SEC13: variants seen among roughly 807,000 people sequenced by gnomAD.
The protein encoded by SEC13 is SEC13 homolog, nuclear pore and COPII component.
Under a neutral mutation model 49.2 loss-of-function variants are expected in SEC13, and 25 were observed. The observed-to-expected ratio is 0.51, with a 90% CI of 0.37 to 0.71. SEC13 has a LOEUF of 0.71. Ranked by LOEUF, SEC13 falls within the 30% of genes least tolerant of loss-of-function variation. The pLI is 0.00. For missense variants in SEC13, 383 were observed against 417.6 expected, an observed-to-expected ratio of 0.92 and a Z score of 0.72; for synonymous variants, 148 against 163.9, an observed-to-expected ratio of 0.90 and a Z score of 0.74.
chr3:10,312,542 G>T, intron 4 of SEC13, 37 bp downstream of exon 4: 1 of 1,608,072 alleles, frequency 6.2e-7, no homozygotes, highest in Non-Finnish European at 8.5e-7. Context: ...TTTACCCAGT[G>T]GTCCCCTTGC....
chr3:10,313,023 C>G (rs996425297), intron 3 of SEC13: 1 of 376,388 alleles, frequency 2.7e-6, no homozygotes, highest in Non-Finnish European at 4.9e-6. Context: ...CTGCAGCCAG[C>G]ACTGTCTGTA....
Position 10,305,018 on chromosome 3 carries a change from T to C in SEC13, c.708+15A>G. On this transcript the variant is annotated intron_variant, in intron 7 of 8. Transcript: ENST00000350697. ...GAGACTAAATGACAAGGGATACTCA[T>C]GGCCCTGGGCTGACCTGGGAGCAGC... 1 of 1,614,000 alleles carries C rather than the reference T, an allele frequency of 6.2e-7. No individual in the cohort carries two copies. Among genetic ancestry groups the C allele is most frequent in the Non-Finnish European group, 8.5e-7 (1 of 1,180,016 alleles).
chr3:10,315,281 A>G (rs374085188), intron 3 of SEC13, 40 bp downstream of exon 3: 1 of 1,449,470 alleles, frequency 6.9e-7, no homozygotes, highest in African/African-American at 1.4e-5. Flanking sequence ...GAGAACCCAC[A>G]CCATTCCTGG....
rs1300899672 is a variant in SEC13, at chr3:10,301,228, T to C, written c.*33A>G. Reference sequence around the variant, plus strand: ...GCCCAGGAAGGGGCAGTCCTGGAGCTGGCGGGTGGGGAGCCAGGCCCCACC... The same window carrying C: ...GCCCAGGAAGGGGCAGTCCTGGAGCCGGCGGGTGGGGAGCCAGGCCCCACC... On this transcript the variant is annotated 3_prime_UTR_variant, in exon 9 of 9. Transcript: ENST00000350697. 1 of 1,614,102 alleles carries C rather than the reference T, an allele frequency of 6.2e-7. No homozygotes were observed. Among genetic ancestry groups the C allele is most frequent in the East Asian group, 2.2e-5 (1 of 44,878 alleles).
chr3:10,303,860 G>A, intron 8 of SEC13, 166 bp downstream of exon 8: 1 of 707,480 alleles, frequency 1.4e-6, no homozygotes, highest in Non-Finnish European at 2.5e-6. Flanking sequence ...TACTACCTCA[G>A]GGGCTGTGAC....
In SEC13 at chr3:10,315,326, G is replaced by C; in HGVS notation, c.159C>G (p.Leu53=). The C allele has an allele frequency of 1.2e-6, 2 of 1,611,860 alleles. No individual in the cohort carries two copies. Among genetic ancestry groups the C allele is most frequent in the East Asian group, 2.2e-5 (1 of 44,856 alleles). The change falls in exon 3 of 9, where the codon CTC becomes CTG. Residue 53 remains leucine, a synonymous_variant. Transcript: ENST00000350697. ...RNGGQILIAD[L]RGHEGPVWQV... is the part of the protein sequence containing the mutation. ...CTGGGCTCGCCAGCACTTACCCCCT[G>C]AGGTCGGCGATAAGGATCTGCCCTC... is the stretch of plus-strand genomic sequence containing the variant.
chr3:10,318,364 C>G (rs1284785049), intron 1 of SEC13, among the ~76,000 whole-genome samples: 1 of 151,784 alleles, frequency 6.6e-6, no homozygotes, highest in Non-Finnish European at 1.5e-5. Context: ...CCTGTAGGAG[C>G]CTGAGGGGCT....
chr3:10,302,887 G>A lies in SEC13; in HGVS notation c.855+1139C>T, dbSNP rs955805702. On this transcript the variant is annotated intron_variant, in intron 8 of 8. Transcript: ENST00000350697. ...AGGAAGGAATTCTGACACATGCTACGTACAGCATGGAGGAACCTTAAGGGC... is the reference window on the plus strand; with the variant it reads ...AGGAAGGAATTCTGACACATGCTACATACAGCATGGAGGAACCTTAAGGGC... 2.5e-4 allele frequency among the ~76,000 whole-genome samples: 38 copies of A among 152,196 alleles called. 1 individual carries two copies. Among genetic ancestry groups the A allele is most frequent in the African/African-American group, 8.7e-4 (36 of 41,444 alleles).
intron 7 of SEC13, among the ~76,000 whole-genome samples, 184 bp downstream of exon 7, chr3:10,304,849 G>A (rs1256244857): frequency 2.0e-5 from 3 of 152,198 alleles, no homozygotes; most frequent in Non-Finnish European, 4.4e-5. Flanking sequence ...CTCAGTGGAG[G>A]CAGGCCACTT....
At chr3:10,308,976 C>T (rs560233413) in intron 5 of SEC13, among the ~76,000 whole-genome samples, 72 of 128,074 alleles carry the variant, frequency 5.6e-4, no homozygotes, top group East Asian at 1.7e-3. Flanking sequence ...CTTGCTTTGT[C>T]GCCCAGGCTG....
chr3:10,315,342 A>G lies in SEC13; in HGVS notation c.143T>C (p.Ile48Thr). The change falls in exon 3 of 9, where the codon ATC (isoleucine) becomes ACC (threonine). Residue 48 changes from isoleucine (I) to threonine (T), a missense_variant. Ile to Thr is a moderately conservative substitution (Grantham distance 89). Coordinates refer to ENST00000350697, the MANE Select transcript of SEC13 (RefSeq NM_183352.3). Reference protein sequence around the residue: ...KIFDVRNGGQILIADLRGHEG... With the variant: ...KIFDVRNGGQTLIADLRGHEG... The stretch of plus-strand genomic sequence containing the variant: ...TTACCCCCTGAGGTCGGCGATAAGG[A>G]TCTGCCCTCCATTGCGCACATCAAA... 1 of 1,613,772 alleles carries G rather than the reference A, an allele frequency of 6.2e-7. No homozygotes were observed. The highest frequency in any genetic ancestry group is 8.5e-7 in the Non-Finnish European group (1 of 1,179,844).
chr3:10,304,203 GGA>G, intron 7 of SEC13, 31 bp from the exon 8 acceptor site: 2 of 1,611,492 alleles, frequency 1.2e-6, no homozygotes, highest in Non-Finnish European at 1.7e-6. Flanking sequence ...GTCAGGAGGT[GGA>G]GTCAAGACTC....
intron 7 of SEC13, 95 bp from the exon 8 acceptor site, chr3:10,304,267 T>C: frequency 5.4e-6 from 7 of 1,301,760 alleles, no homozygotes; most frequent in South Asian, 5.2e-5. Context: ...GGCACCTCTC[T>C]GCAGGAACAG....
chr3:10,318,946 A>C (rs995851354), intron 1 of SEC13, among the ~76,000 whole-genome samples: 54 of 152,264 alleles, frequency 3.5e-4, no homozygotes, highest in African/African-American at 1.3e-3. Flanking sequence ...AGCCATCTGC[A>C]GTTTCAAATC....
chr3:10,301,061 A>T lies in SEC13; in HGVS notation c.*200T>A, dbSNP rs555526457. On this transcript the variant is annotated 3_prime_UTR_variant, in exon 9 of 9. Coordinates refer to ENST00000350697, the MANE Select transcript of SEC13 (RefSeq NM_183352.3). Reference sequence around the variant, plus strand: ...CTTGTAGTTTCTTCCTCGTAACATGAGTGCTTTCAGCTGGACAGTAGATTA... The same window carrying T: ...CTTGTAGTTTCTTCCTCGTAACATGTGTGCTTTCAGCTGGACAGTAGATTA... The T allele has an allele frequency of 6.2e-7, 1 of 1,608,122 alleles. No individual in the cohort carries two copies. The highest frequency in any genetic ancestry group is 8.5e-7 in the Non-Finnish European group (1 of 1,177,482).
At position 10,318,927 on chromosome 3, in the gene SEC13, C is replaced by T. The variant is rs535784717; in HGVS notation, c.4-833G>A. ...CACTAGAAGGTGAGCTCCTTGGAGC[C>T]ATGGTCTGAGCCATCTGCAGTTTCA... On this transcript the variant is annotated intron_variant, in intron 1 of 8. Coordinates refer to ENST00000350697, the MANE Select transcript of SEC13 (RefSeq NM_183352.3). Among the ~76,000 whole-genome samples the T allele has an allele frequency of 1.0e-3, 153 of 152,350 alleles. No individual in the cohort carries two copies. In the Middle Eastern group the frequency reaches 0.01, roughly 10 times the overall value.
chr3:10,317,001 C>CAAAAAAA (rs35597823), intron 2 of SEC13, among the ~76,000 whole-genome samples: 7 of 74,874 alleles, frequency 9.3e-5, no homozygotes, highest in Non-Finnish European at 1.2e-4. Flanking sequence ...AACTCCATCT[C>CAAAAAAA]AAAAAAAAAA....
At position 10,315,253 on chromosome 3, in the gene SEC13, A is replaced by G. The variant is rs1185355119; in HGVS notation, c.164+68T>C. 66 of 1,168,364 alleles carry G rather than the reference A, an allele frequency of 5.6e-5. 1 individual carries two copies. In the South Asian group the frequency reaches 8.5e-4, roughly 15 times the overall value. The allele number at this position is 1,168,364 out of a possible 1,614,324, so 72.4% of individuals were successfully genotyped here. A position where few individuals can be genotyped will look rare whatever the true frequency, so the allele number is the denominator to read the frequency against. ...ATCTGGGCTCCCATGCTTTGCTCCC[A>G]CGCTTGAAGCAGGGCCTGAGAACCC... On this transcript the variant is annotated intron_variant, in intron 3 of 8. Transcript: ENST00000350697.
In SEC13 at chr3:10,301,080, T is replaced by A; in HGVS notation, c.*181A>T. On this transcript the variant is annotated 3_prime_UTR_variant, in exon 9 of 9. Transcript: ENST00000350697. ...AACATGAGTGCTTTCAGCTGGACAGTAGATTACAAAGCATCTCCGATCACG... is the reference window on the plus strand; with the variant it reads ...AACATGAGTGCTTTCAGCTGGACAGAAGATTACAAAGCATCTCCGATCACG... The A allele has an allele frequency of 6.2e-7, 1 of 1,611,762 alleles. No individual in the cohort carries two copies. The highest frequency in any genetic ancestry group is 8.5e-7 in the Non-Finnish European group (1 of 1,179,572).
Sources: allele counts gnomAD v4.1 joint callset (sites outside exome capture counted in the v4.1 genomes callset), GRCh38; gene constraint gnomAD v4.1.1; transcripts MANE v1.5; gene names NCBI Gene and HGNC (gene_info 2026-07-23, HGNC 2026-07-21).